ZKSCAN7: variants seen among roughly 807,000 people sequenced by gnomAD.
The protein encoded by ZKSCAN7 is zinc finger protein with KRAB and SCAN domains 7.
A neutral mutation model predicts 65.3 loss-of-function variants in ZKSCAN7; 38 were observed. That is an observed-to-expected ratio of 0.58 (90% CI 0.45 to 0.76). The LOEUF (loss-of-function observed/expected upper bound fraction) is 0.76. Among genes scored for constraint, ZKSCAN7 ranks in the 30% least tolerant of loss-of-function variants. The pLI is 0.00. For missense variants in ZKSCAN7, 815 were observed against 913.3 expected, an observed-to-expected ratio of 0.89 and a Z score of 1.39; for synonymous variants, 321 against 321.0, an observed-to-expected ratio of 1.00 and a Z score of 0.00.
chr3:44,578,636 G>A (rs370398101), intron 5 of ZKSCAN7, among the ~76,000 whole-genome samples: 1 of 152,154 alleles, frequency 6.6e-6, no homozygotes, highest in South Asian at 2.1e-4. Context: ...CTCAACATCC[G>A]AGTTGACGCT....
At chr3:44,559,661 A>G (rs570494565) in intron 2 of ZKSCAN7, among the ~76,000 whole-genome samples, 1 of 152,310 alleles carries the variant, frequency 6.6e-6, no homozygotes, top group African/African-American at 2.4e-5. Flanking sequence ...TCCTGAGCTC[A>G]AGAAAGCCAC....
Position 44,570,249 on chromosome 3 carries a change from A to G in ZKSCAN7, c.1139A>G (p.Gln380Arg), listed in dbSNP as rs751837876. The change falls in exon 6 of 6, where the codon CAG becomes CGG. Residue 380 changes from glutamine (Q) to arginine (R), a missense_variant. By Grantham distance (43) the Gln-to-Arg change is conservative. Coordinates refer to ENST00000426540, the MANE Select transcript of ZKSCAN7 (RefSeq NM_001288590.2). Reference protein sequence around the residue: ...PVEHEGVLKGQKSYRCDECGK... With the variant: ...PVEHEGVLKGRKSYRCDECGK... ...GAACATGAAGGAGTTTTAAAGGGAC[A>G]GAAATCCTATCGATGTGATGAATGT... is the stretch of plus-strand genomic sequence containing the variant. The G allele has an allele frequency of 4.8e-5, 78 of 1,614,160 alleles. No homozygotes were observed. The highest frequency in any genetic ancestry group is 6.2e-5 in the Non-Finnish European group (73 of 1,180,060).
intron 2 of ZKSCAN7, among the ~76,000 whole-genome samples, chr3:44,558,536 A>G (rs1699365998): frequency 6.6e-6 from 1 of 151,666 alleles, no homozygotes; most frequent in Non-Finnish European, 1.5e-5. Flanking sequence ...AAAAAAAAAA[A>G]AAAGAAAAGA....
At chr3:44,563,235 C>G (rs1023615941) in intron 2 of ZKSCAN7, among the ~76,000 whole-genome samples, 2 of 152,206 alleles carry the variant, frequency 1.3e-5, no homozygotes, top group African/African-American at 2.4e-5. Flanking sequence ...TCCAAACTTT[C>G]CCACATCTTC....
At chr3:44,572,161 T>C (rs1237558399), downstream of ZKSCAN7, 23 of 985,306 alleles carry the variant, frequency 2.3e-5, no homozygotes, top group Non-Finnish European at 2.8e-5. Flanking sequence ...AAATCTCAGC[T>C]CTCACATTGA....
intron 2 of ZKSCAN7, among the ~76,000 whole-genome samples, chr3:44,564,557 T>C (rs1699574234): frequency 6.6e-6 from 1 of 152,250 alleles, no homozygotes; most frequent in Non-Finnish European, 1.5e-5. Flanking sequence ...CTAGAAATTA[T>C]AATTGGTTAA....
chr3:44,568,600 T>A, intron 5 of ZKSCAN7, 167 bp downstream of exon 5: 1 of 979,782 alleles, frequency 1.0e-6, no homozygotes, highest in Non-Finnish European at 1.5e-6. Flanking sequence ...TCAACAGTGA[T>A]CAGCATACTC....
intron 3 of ZKSCAN7, among the ~76,000 whole-genome samples, chr3:44,567,404 AC>A (rs772676698): frequency 6.6e-6 from 1 of 152,208 alleles, no homozygotes; most frequent in Non-Finnish European, 1.5e-5. Context: ...GTTGCAGGAC[AC>A]CCAAGTGAAA....
chr3:44,557,299 G>A lies in ZKSCAN7; in HGVS notation c.252G>A (p.Met84Ile). The A allele has an allele frequency of 6.2e-7, 1 of 1,614,300 alleles. No homozygotes were observed. Among genetic ancestry groups the A allele is most frequent in the East Asian group, 2.2e-5 (1 of 44,884 alleles). ...RLRELCRWWL[M>I]PEVHTKEQIL... ...GGGAGCTCTGCCGCTGGTGGCTCAT[G>A]CCAGAGGTGCACACCAAGGAGCAGA... The change falls in exon 2 of 6, where the codon ATG becomes ATA. Residue 84 changes from methionine (M) to isoleucine (I), a missense_variant. Met to Ile is a conservative substitution (Grantham distance 10, BLOSUM62 1). This residue lies in a region of ZKSCAN7 where 227 missense variants were observed against 253.3 expected (regional missense o/e 0.90). Transcript: ENST00000426540.
downstream of ZKSCAN7, among the ~76,000 whole-genome samples, chr3:44,573,026 C>T (rs754212904): frequency 1.1e-4 from 16 of 152,068 alleles, no homozygotes; most frequent in East Asian, 3.8e-4. Context: ...TTTTCCTTAT[C>T]GACTAGTCCT....
chr3:44,571,287 A>T lies in ZKSCAN7; in HGVS notation c.2177A>T (p.Lys726Ile), dbSNP rs757019825. 2.5e-6 allele frequency: 4 copies of T among 1,614,246 alleles called. No individual in the cohort carries two copies. The change falls in exon 6 of 6, where the codon AAA becomes ATA. Residue 726 changes from lysine to isoleucine, a missense_variant. Lys to Ile is a moderately radical substitution (Grantham distance 102, BLOSUM62 -3). Coordinates refer to ENST00000426540, the MANE Select transcript of ZKSCAN7 (RefSeq NM_001288590.2). ...EKPYECSECGKAFSQRSTFNH... is the reference protein window; with the variant it reads ...EKPYECSECGIAFSQRSTFNH... ...CCTTATGAATGTAGTGAATGTGGGA[A>T]AGCCTTTAGTCAGCGTTCCACTTTT...
intron 2 of ZKSCAN7, among the ~76,000 whole-genome samples, chr3:44,557,962 T>C (rs1480507147): frequency 1.3e-5 from 2 of 152,228 alleles, no homozygotes; most frequent in Admixed American, 1.3e-4. Context: ...TGGGATCTTT[T>C]TGCATCTTTA....
At chr3:44,581,236 C>T (rs926271740) in intron 5 of ZKSCAN7, among the ~76,000 whole-genome samples, 7 of 147,688 alleles carry the variant, frequency 4.7e-5, no homozygotes, top group Admixed American at 4.0e-4. Context: ...CCGCCCGCAC[C>T]GCCGCCGCCC....
At chr3:44,564,774 G>A (rs1433195698) in intron 2 of ZKSCAN7, among the ~76,000 whole-genome samples, 3 of 151,770 alleles carry the variant, frequency 2.0e-5, no homozygotes, top group South Asian at 2.1e-4. Context: ...TACCTCCTTT[G>A]TACTTCTTTT....
chr3:44,562,126 T>G (rs1307007541), intron 2 of ZKSCAN7, among the ~76,000 whole-genome samples: 1 of 152,210 alleles, frequency 6.6e-6, no homozygotes, highest in African/African-American at 2.4e-5. Context: ...TTTCCATACC[T>G]CCTCTGAAAT....
chr3:44,581,101 C>T (rs1307267745), intron 5 of ZKSCAN7: 17 of 1,008,326 alleles, frequency 1.7e-5, no homozygotes, highest in African/African-American at 5.3e-5. Context: ...TCAGCGCGGC[C>T]GCCGCCGCAT....
intron 5 of ZKSCAN7, 49 bp downstream of exon 5, chr3:44,568,482 T>G (rs773008310): frequency 6.3e-7 from 1 of 1,582,948 alleles, no homozygotes; most frequent in South Asian, 1.2e-5. Context: ...CTGCACAATC[T>G]CTTTTCTATA....
intron 5 of ZKSCAN7, chr3:44,580,885 C>A (rs1700060574): frequency 6.2e-7 from 1 of 1,613,530 alleles, no homozygotes; most frequent in Admixed American, 1.7e-5. Flanking sequence ...AGGAGCCAAC[C>A]GCCATAAATG....
downstream of ZKSCAN7, chr3:44,572,210 A>G: frequency 1.0e-6 from 1 of 985,394 alleles, no homozygotes. Context: ...TCCCCTCCCC[A>G]GCTGGACCAG....
Sources: gnomAD v4.1 joint callset for allele counts (sites outside exome capture counted in the v4.1 genomes callset) on GRCh38, gnomAD v4.1.1 for gene constraint, gnomAD v4.1.1 regional missense constraint, MANE v1.5 for transcripts, NCBI Gene and HGNC (gene_info 2026-07-23, HGNC 2026-07-21) for gene names.